C12orf54: variants seen among roughly 807,000 people sequenced by gnomAD.
C12orf54 encodes the protein chromosome 12 open reading frame 54, also known as uncharacterized protein C12orf54.
A neutral mutation model predicts 26.4 loss-of-function variants in C12orf54; 24 were observed. The ratio of observed to expected loss-of-function variants is 0.91; its 90% CI spans 0.66 to 1.28. C12orf54 has a LOEUF of 1.28. C12orf54 is among the 50% of genes most tolerant of loss of function. The pLI, the probability that C12orf54 is intolerant of heterozygous loss-of-function variation, is 0.00. For synonymous variants in C12orf54, 54 were observed against 47.0 expected (o/e 1.15, Z -0.61); for missense variants, 154 against 150.9 (o/e 1.02, Z -0.11).
chr12:48,445,593 A>G, the C12orf54 span, among the ~76,000 whole-genome samples: 7 of 152,118 alleles, frequency 4.6e-5, no homozygotes. Context: ...TAGCCTCCCC[A>G]AACTTCCAGG....
the C12orf54 span, among the ~76,000 whole-genome samples, chr12:48,446,840 C>G: frequency 6.6e-6 from 1 of 152,136 alleles, no homozygotes; most frequent in South Asian, 2.1e-4. Context: ...GCGTCTAGAA[C>G]TGAAAATCTT....
chr12:48,482,185 G>C (rs1218599353), upstream of C12orf54, among the ~76,000 whole-genome samples: 1 of 152,210 alleles, frequency 6.6e-6, no homozygotes, highest in Non-Finnish European at 1.5e-5. Flanking sequence ...CCTAGCTCTT[G>C]AAATTGAAAG....
At chr12:48,456,575 G>A in the C12orf54 span, among the ~76,000 whole-genome samples, 34 of 152,266 alleles carry the variant, frequency 2.2e-4, no homozygotes, top group South Asian at 6.2e-4. Flanking sequence ...TCTGCTCCTC[G>A]CCTGCCGTGA....
upstream of C12orf54, among the ~76,000 whole-genome samples, chr12:48,480,930 A>G (rs191604443): frequency 6.7e-4 from 100 of 148,674 alleles, no homozygotes; most frequent in Non-Finnish European, 1.8e-4. Context: ...ATGGATGTAG[A>G]TGGAGGTCAT....
chr12:48,433,255 G>C, the C12orf54 span, among the ~76,000 whole-genome samples: 3 of 152,308 alleles, frequency 2.0e-5, no homozygotes, highest in South Asian at 6.2e-4. Context: ...TACAGTGCTT[G>C]TGCGTTCATG....
At chr12:48,453,774 G>A in the C12orf54 span, among the ~76,000 whole-genome samples, 1 of 150,798 alleles carries the variant, frequency 6.6e-6, no homozygotes, top group African/African-American at 2.4e-5. Flanking sequence ...CAATATATAT[G>A]AAACATATAA....
chr12:48,465,007 G>T, the C12orf54 span, among the ~76,000 whole-genome samples: 4 of 152,016 alleles, frequency 2.6e-5, no homozygotes, highest in African/African-American at 9.7e-5. Flanking sequence ...TAGGAACCGG[G>T]CAATGATTTC....
the C12orf54 span, among the ~76,000 whole-genome samples, chr12:48,461,831 C>A: frequency 1.3e-5 from 2 of 151,272 alleles, no homozygotes; most frequent in South Asian, 4.2e-4. Context: ...AAGAAGCTAG[C>A]AAATTAAGAT....
At chr12:48,427,927 A>G in the C12orf54 span, among the ~76,000 whole-genome samples, 1 of 152,086 alleles carries the variant, frequency 6.6e-6, no homozygotes, top group African/African-American at 2.4e-5. Context: ...AGGCCACAAA[A>G]CAAGCCTCAG....
intron 5 of C12orf54, 57 bp downstream of exon 5, chr12:48,489,013 A>T: frequency 1.3e-6 from 2 of 1,534,788 alleles, no homozygotes; most frequent in South Asian, 2.3e-5. Context: ...CCTTGATCCC[A>T]TTTTTTTTCT....
intron 4 of C12orf54, chr12:48,488,307 G>T: frequency 1.8e-6 from 1 of 549,358 alleles, no homozygotes. Context: ...AAGAGGGGAA[G>T]CCAACAGAGA....
At chr12:48,488,796 C>A in intron 4 of C12orf54, 128 bp from the exon 5 acceptor site, 1 of 765,326 alleles carries the variant, frequency 1.3e-6, no homozygotes, top group Non-Finnish European at 2.2e-6. Context: ...AAGCCACAGT[C>A]TCTTGGCATT....
the C12orf54 span, chr12:48,473,475 T>C: frequency 2.2e-6 from 1 of 463,396 alleles, no homozygotes; most frequent in East Asian, 5.6e-5. Context: ...CCGTATCCCC[T>C]CCCCCACTCC....
the C12orf54 span, among the ~76,000 whole-genome samples, chr12:48,450,762 C>T: frequency 1.2e-4 from 19 of 152,094 alleles, no homozygotes; most frequent in African/African-American, 4.6e-4. Context: ...ATACACCCTC[C>T]CAGCACTGAA....
the C12orf54 span, among the ~76,000 whole-genome samples, chr12:48,444,538 A>G: frequency 4.6e-5 from 7 of 152,252 alleles, no homozygotes; most frequent in Non-Finnish European, 8.8e-5. Context: ...TGGAAATTCT[A>G]GCCTGTCAGG....
chr12:48,413,652 A>C, the C12orf54 span, among the ~76,000 whole-genome samples: 3 of 152,174 alleles, frequency 2.0e-5, no homozygotes, highest in Non-Finnish European at 4.4e-5. Flanking sequence ...CCCTGAGTAA[A>C]TCTTTGTAGA....
At chr12:48,436,267 G>T in the C12orf54 span, among the ~76,000 whole-genome samples, 1 of 152,094 alleles carries the variant, frequency 6.6e-6, no homozygotes, top group Non-Finnish European at 1.5e-5. Context: ...AGCAAGTCCT[G>T]AGTGACCTAC....
the C12orf54 span, among the ~76,000 whole-genome samples, chr12:48,474,477 A>T: frequency 6.6e-6 from 1 of 152,192 alleles, no homozygotes; most frequent in African/African-American, 2.4e-5. Context: ...GGGGTCAGGG[A>T]ATTCCCTTTC....
At chr12:48,484,956 C>T (rs1034654972) in intron 2 of C12orf54, among the ~76,000 whole-genome samples, 1 of 152,226 alleles carries the variant, frequency 6.6e-6, no homozygotes, top group African/African-American at 2.4e-5. Flanking sequence ...AGAAATAGCA[C>T]TCCAGCTGGC....
Sources: allele counts gnomAD v4.1 joint callset (sites outside exome capture counted in the v4.1 genomes callset), GRCh38; gene constraint gnomAD v4.1.1; transcripts MANE v1.5; gene names NCBI Gene and HGNC (gene_info 2026-07-23, HGNC 2026-07-21).